STAT6: variants seen among roughly 807,000 people sequenced by gnomAD.
STAT6 encodes STAT, interleukin4-induced.
STAT6 carries 45 observed loss-of-function variants against 106.3 expected under a neutral mutation model. The observed-to-expected ratio is 0.42, with a 90% CI of 0.33 to 0.54. The LOEUF (loss-of-function observed/expected upper bound fraction) is 0.54, where lower values mean the gene tolerates loss of function less well. STAT6 is among the 20% of genes least tolerant of loss of function. The probability of loss-of-function intolerance (pLI) is 0.06; values close to 1 mark genes in which losing one functional copy is unlikely to be tolerated. For synonymous variants in STAT6, 413 were observed against 413.6 expected (o/e 1.00, Z 0.02); for missense variants, 797 against 1,062.2 (o/e 0.75, Z 3.47).
At position 57,108,289 on chromosome 12, in the gene STAT6, T is replaced by C. The variant is rs1227143114; in HGVS notation, c.-11A>G. On this transcript the variant is annotated 5_prime_UTR_variant, in exon 2 of 22. Coordinates refer to ENST00000300134, the MANE Select transcript of STAT6 (RefSeq NM_003153.5). ...ACCCCACAGAGACATGATCTGGGACTTGGAGGTTGCCTGGAGGAGAAAAAT... is the reference window on the plus strand; with the variant it reads ...ACCCCACAGAGACATGATCTGGGACCTGGAGGTTGCCTGGAGGAGAAAAAT... 7.0e-6 allele frequency: 11 copies of C among 1,574,780 alleles called. No individual in the cohort carries two copies. The highest frequency in any genetic ancestry group is 9.6e-6 in the Non-Finnish European group (11 of 1,148,558).
At chr12:57,100,657 AAAG>A (rs2033786962) in intron 13 of STAT6, among the ~76,000 whole-genome samples, 1 of 62,216 alleles carries the variant, frequency 1.6e-5, no homozygotes, top group Admixed American at 1.8e-4. Context: ...AGAAAGAAAG[AAAG>A]AAAGAAAGAA....
At position 57,099,418 on chromosome 12, in the gene STAT6, G is replaced by A. The variant is rs780524670; in HGVS notation, c.1767C>T (p.Ile589=). ...ACAGGTCTTTGGCAGAGAATGGCTG[G>A]ATGTTCTCTATCTGTGGAGAGCCTA... is the stretch of plus-strand genomic sequence containing the variant. ...GQDGSPQIEN[I]QPFSAKDLSI... Residue 589 remains isoleucine (I), a synonymous_variant, in exon 16 of 22, where the codon ATC becomes ATT. Coordinates refer to ENST00000300134, the MANE Select transcript of STAT6 (RefSeq NM_003153.5). This position sits in a 1 kb window ranked among gnomAD's most constrained non-coding sequence, Gnocchi z 4.7. The A allele has an allele frequency of 6.2e-7, 1 of 1,614,176 alleles. No individual in the cohort carries two copies. The highest frequency in any genetic ancestry group is 1.7e-5 in the Admixed American group (1 of 60,024).
intron 13 of STAT6, 136 bp from the exon 14 acceptor site, chr12:57,100,226 A>G (rs2033736411): frequency 9.8e-6 from 7 of 715,370 alleles, no homozygotes; most frequent in South Asian, 1.6e-5. Flanking sequence ...GACTCCATCA[A>G]TGACAACGAC....
rs565775861 is a variant in STAT6, at chr12:57,098,653, C to A, written c.2067-56G>T. ...AGCCCTTCTCCTGGACACCACCACA[C>A]CCTGCTTTTGAACAGGTGTCCCTCT... is the stretch of plus-strand genomic sequence containing the variant. On this transcript the variant is annotated intron_variant, in intron 18 of 21. Coordinates refer to ENST00000300134, the MANE Select transcript of STAT6 (RefSeq NM_003153.5). 5.0e-6 allele frequency: 8 copies of A among 1,587,856 alleles called. No individual in the cohort carries two copies. In the South Asian group the frequency reaches 8.9e-5, roughly 18 times the overall value.
chr12:57,105,977 G>A, intron 7 of STAT6: 1 of 761,610 alleles, frequency 1.3e-6, no homozygotes, highest in Non-Finnish European at 2.0e-6. Flanking sequence ...GCCTGGGTTG[G>A]ATGAGTCCCC....
Position 57,098,898 on chromosome 12 carries a change from G to T in STAT6, c.1960C>A (p.Gln654Lys), listed in dbSNP as rs780166951. Residue 654 changes from glutamine to lysine, a missense_variant, in exon 18 of 22, where the codon CAA becomes AAA. Coordinates refer to ENST00000300134, the MANE Select transcript of STAT6 (RefSeq NM_003153.5). The stretch of plus-strand genomic sequence containing the variant: ...TGGAGCTCTGGGGTAGGAAGTGGTT[G>T]GTCCCTGGAGGAGGGAAGGAGGTAC... ...ATIKMTVERD[Q>K]PLPTPELQMP... is the part of the protein sequence containing the mutation. 1.9e-6 allele frequency: 3 copies of T among 1,613,572 alleles called. No homozygotes were observed. Among genetic ancestry groups the T allele is most frequent in the Non-Finnish European group, 2.5e-6 (3 of 1,179,776 alleles).
chr12:57,105,154 C>G lies in STAT6; in HGVS notation c.998G>C (p.Gly333Ala). ...CCCAGGTCCAATCCCAGCTTACGCT[C>G]CAGCCCCAGGACCCTGAGGCACACT... is the stretch of plus-strand genomic sequence containing the variant. Reference protein sequence around the residue: ...ELSVPQGPGAGAESTGEIINN... With the variant: ...ELSVPQGPGAAAESTGEIINN... The change falls in exon 9 of 22, where the codon GGA becomes GCA. Residue 333 changes from glycine to alanine, a missense_variant. By Grantham distance (60) the Gly-to-Ala change is moderately conservative. Coordinates refer to ENST00000300134, the MANE Select transcript of STAT6 (RefSeq NM_003153.5). 6.2e-7 allele frequency: 1 copy of G among 1,610,104 alleles called. No homozygotes were observed. Among genetic ancestry groups the G allele is most frequent in the Non-Finnish European group, 8.5e-7 (1 of 1,177,720 alleles).
At position 57,099,197 on chromosome 12, in the gene STAT6, G is replaced by T. The variant is rs112896884; in HGVS notation, c.1891+97C>A. 172 of 1,595,098 alleles carry T rather than the reference G, an allele frequency of 1.1e-4. 6 individuals are homozygous for T. The African/African-American group carries it at 1.8e-3, about 17-fold the overall frequency. ...GAAGCACAGCTATGAAATAGGGAGT[G>T]ACATCAGGATGACACGCGGGCAGGG... On this transcript the variant is annotated intron_variant, in intron 16 of 21. Coordinates refer to ENST00000300134, the MANE Select transcript of STAT6 (RefSeq NM_003153.5). This position sits in a 1 kb window ranked among gnomAD's most constrained non-coding sequence, Gnocchi z 4.7.
chr12:57,098,993 C>G, intron 17 of STAT6, 22 bp downstream of exon 17: 1 of 1,614,176 alleles, frequency 6.2e-7, no homozygotes, highest in Non-Finnish European at 8.5e-7. Context: ...GACCTACCCA[C>G]TGTCCATACC....
chr12:57,106,340 C>T lies in STAT6; in HGVS notation c.532-1G>A. On this transcript the variant is annotated splice_acceptor_variant, in intron 6 of 21. Transcript: ENST00000300134. LOFTEE classifies it high-confidence loss of function. ...TCTCCTGCAGTAGCATGGCCAGGGC[C>T]TATGGGCAGAGAGGGGCCTGAGCCA... is the stretch of plus-strand genomic sequence containing the variant. The T allele has an allele frequency of 6.2e-7, 1 of 1,614,250 alleles. No individual in the cohort carries two copies. Among genetic ancestry groups the T allele is most frequent in the Non-Finnish European group, 8.5e-7 (1 of 1,180,040 alleles).
intron 13 of STAT6, chr12:57,101,031 CA>C (rs2033895272): frequency 4.3e-6 from 1 of 230,702 alleles, no homozygotes; most frequent in African/African-American, 2.4e-5. Flanking sequence ...GGTATTACTG[CA>C]CATGTCCCTG....
chr12:57,096,803 C>T, intron 21 of STAT6, 42 bp from the exon 22 acceptor site: 1 of 1,613,400 alleles, frequency 6.2e-7, no homozygotes, highest in Non-Finnish European at 8.5e-7. Flanking sequence ...GCATGGCGCC[C>T]ACTCCCCTAG....
At position 57,106,285 on chromosome 12, in the gene STAT6, G is replaced by C; in HGVS notation, c.586C>G (p.Leu196Val). The C allele has an allele frequency of 6.2e-7, 1 of 1,614,254 alleles. No individual in the cohort carries two copies. The highest frequency in any genetic ancestry group is 1.1e-5 in the South Asian group (1 of 91,088). ...CAAATCTGGATCCTCTTCAGCACTA[G>C]GGCTTTGGCTGCCTCTAGCTCTCCA... ...TTGELEAAKA[L>V]VLKRIQIWKR... is the part of the protein sequence containing the mutation. Residue 196 changes from leucine (L) to valine (V), a missense_variant, in exon 7 of 22, where the codon CTA becomes GTA. This residue lies in a region of STAT6 where 336 missense variants were observed against 429.8 expected (regional missense o/e 0.78). Coordinates refer to ENST00000300134, the MANE Select transcript of STAT6 (RefSeq NM_003153.5).
chr12:57,100,742 G>GAA lies in STAT6; in HGVS notation c.1513-654_1513-653dup, dbSNP rs565329228. 379 of 183,032 alleles carry GAA rather than the reference G, an allele frequency of 2.1e-3. 4 individuals carry two copies. Among genetic ancestry groups the GAA allele is most frequent in the South Asian group, 5.7e-3 (115 of 20,180 alleles). 11.3% of individuals were successfully genotyped at this position (183,032 alleles called of 1,614,324 possible). A position where few individuals can be genotyped will look rare whatever the true frequency, so the allele number is the denominator to read the frequency against. On this transcript the variant is annotated intron_variant, in intron 13 of 21. Coordinates refer to ENST00000300134, the MANE Select transcript of STAT6 (RefSeq NM_003153.5). ...AGAAAGAAAGAAAGAAAGAAAGAAAGAAAGAAAAGAAAAAAAAACCAAAAC... is the reference window on the plus strand; with the variant it reads ...AGAAAGAAAGAAAGAAAGAAAGAAAGAAAAAGAAAAGAAAAAAAAACCAAAAC...
intron 13 of STAT6, 53 bp from the exon 14 acceptor site, chr12:57,100,143 T>C (rs1301356470): frequency 1.3e-6 from 2 of 1,500,200 alleles, no homozygotes; most frequent in African/African-American, 2.8e-5. Context: ...AGCTGGAGCC[T>C]GTTTAGGGCA....
rs770975799 is a variant in STAT6 at position 57,095,816 on chromosome 12, CAGAT to C, written c.*752_*755del. 2 of 152,242 alleles carry C rather than the reference CAGAT, an allele frequency of 1.3e-5. No individual in the cohort carries two copies. The highest frequency in any genetic ancestry group is 2.9e-5 in the Non-Finnish European group (2 of 68,046). 9.4% of individuals were successfully genotyped at this position (152,242 alleles called of 1,614,324 possible). A position where few individuals can be genotyped will look rare whatever the true frequency, so the allele number is the denominator to read the frequency against. ...ATTTGTGTTGTCACGTAGGCAAAAG[CAGAT>C]AGACACATGTTCTATGTGGTCATGC... On this transcript the variant is annotated 3_prime_UTR_variant, in exon 22 of 22. Coordinates refer to ENST00000300134, the MANE Select transcript of STAT6 (RefSeq NM_003153.5).
At chr12:57,102,964 CCTTTTTTTTTTTTTTTTTTTTTTTTTTTT>C in intron 11 of STAT6, 43 bp from the exon 12 acceptor site, 4 of 279,910 alleles carry the variant, frequency 1.4e-5, no homozygotes, top group South Asian at 1.0e-4. Flanking sequence ...TTCTTTCTTT[CCTTTTTTTTTTTTTTTTTTTTTTTTTTTT>C]TTTTTTTTTT....
chr12:57,106,038 A>T, intron 7 of STAT6, 153 bp downstream of exon 7: 1 of 1,320,078 alleles, frequency 7.6e-7, no homozygotes, highest in Non-Finnish European at 1.0e-6. Context: ...CCTGAACGAC[A>T]GTGTGCACAG....
intron 11 of STAT6, chr12:57,104,205 A>C (rs377170033): frequency 6.1e-6 from 3 of 488,122 alleles, no homozygotes; most frequent in Non-Finnish European, 1.1e-5. Context: ...GCTGGCACGC[A>C]TGTGCGTATG....
Sources: gnomAD v4.1 joint callset for allele counts (sites outside exome capture counted in the v4.1 genomes callset) on GRCh38, gnomAD v4.1.1 for gene constraint, gnomAD v4.1.1 regional missense constraint, Gnocchi (gnomAD v3.1) non-coding constraint, MANE v1.5 for transcripts, NCBI Gene and HGNC (gene_info 2026-07-23, HGNC 2026-07-21) for gene names.